The following KLHL32 variants were observed in gnomAD, a reference collection of about 807,000 sequenced individuals.
KLHL32 encodes the protein kelch like family member 32.
A neutral mutation model predicts 64.8 loss-of-function variants in KLHL32; 35 were observed. The observed-to-expected ratio is 0.54, with a 90% CI of 0.41 to 0.72. KLHL32 has a LOEUF of 0.72. Ranked by LOEUF, KLHL32 falls within the 30% of genes least tolerant of loss-of-function variation. The probability of loss-of-function intolerance (pLI) is 0.00; values close to 1 mark genes in which losing one functional copy is unlikely to be tolerated. For synonymous variants in KLHL32, 259 were observed against 281.0 expected (o/e 0.92, Z 0.78); for missense variants, 589 against 768.5 (o/e 0.77, Z 2.76).
intron 6 of KLHL32, among the ~76,000 whole-genome samples, chr6:97,099,221 T>G (rs1795377030): frequency 6.6e-6 from 1 of 152,236 alleles, no homozygotes; most frequent in Non-Finnish European, 1.5e-5. Context: ...AAGCAGACTC[T>G]GTCCACCCAG....
At chr6:96,929,061 A>G (rs561240999) in intron 1 of KLHL32, among the ~76,000 whole-genome samples, 1 of 152,210 alleles carries the variant, frequency 6.6e-6, no homozygotes, top group Non-Finnish European at 1.5e-5. Flanking sequence ...AAGAAATGTG[A>G]CAAGCAAGTG....
the KLHL32 span, among the ~76,000 whole-genome samples, chr6:96,904,977 C>T: frequency 1.4e-4 from 21 of 152,210 alleles, no homozygotes; most frequent in Non-Finnish European, 2.8e-4. Flanking sequence ...GCTTTCCCTG[C>T]TGCATCAGTT....
At chr6:97,102,331 G>C (rs561693272) in intron 6 of KLHL32, among the ~76,000 whole-genome samples, 2 of 152,168 alleles carry the variant, frequency 1.3e-5, no homozygotes, top group Non-Finnish European at 2.9e-5. Flanking sequence ...ACAATGGGGG[G>C]TGTTGTGACC....
intron 3 of KLHL32, among the ~76,000 whole-genome samples, chr6:97,034,155 T>A (rs1222446840): frequency 6.6e-6 from 1 of 152,122 alleles, no homozygotes; most frequent in Admixed American, 6.5e-5. Context: ...GTTTCAAGTC[T>A]TACATTTAAG....
rs566672792 is a variant in KLHL32, at chr6:96,994,665, C to T, written c.204+18488C>T. 1.4e-5 allele frequency: 14 copies of T among 970,162 alleles called. 1 individual carries two copies. Among genetic ancestry groups the T allele is most frequent in the African/African-American group, 7.0e-5 (4 of 56,838 alleles). 60.1% of individuals were successfully genotyped at this position (970,162 alleles called of 1,614,324 possible). On this transcript the variant is annotated intron_variant, in intron 3 of 10. Coordinates refer to ENST00000369261, the MANE Select transcript of KLHL32 (RefSeq NM_052904.4). ...AATATGATTAATGAATGATTAGTTG[C>T]GTGCAAAGTACTATGAGTTCCTGTG...
chr6:97,054,151 A>G (rs534779073), intron 4 of KLHL32, among the ~76,000 whole-genome samples: 1 of 152,288 alleles, frequency 6.6e-6, no homozygotes, highest in South Asian at 2.1e-4. Context: ...TATCAGGATA[A>G]ATAATTTGCT....
Position 96,960,202 on chromosome 6 carries a change from G to A in KLHL32, c.-65-6794G>A, listed in dbSNP as rs757964265. ...CATTATCATCATTGTCATCACCATC[G>A]TTTCCTTTTAACACGACACTGAGAA... On this transcript the variant is annotated intron_variant, in intron 1 of 10. Coordinates refer to ENST00000369261, the MANE Select transcript of KLHL32 (RefSeq NM_052904.4). 6.0e-4 allele frequency among the ~76,000 whole-genome samples: 92 copies of A among 152,100 alleles called. 1 individual carries two copies. The highest frequency in any genetic ancestry group is 3.1e-4 in the Non-Finnish European group (21 of 68,024).
chr6:96,939,987 G>T (rs1771088080), intron 1 of KLHL32, among the ~76,000 whole-genome samples: 1 of 152,062 alleles, frequency 6.6e-6, no homozygotes, highest in South Asian at 2.1e-4. Flanking sequence ...GTGCTGGATT[G>T]AATATTGAGG....
At chr6:97,020,982 G>C (rs779260453) in intron 3 of KLHL32, among the ~76,000 whole-genome samples, 1 of 150,762 alleles carries the variant, frequency 6.6e-6, no homozygotes, top group Non-Finnish European at 1.5e-5. Flanking sequence ...GTATTATATA[G>C]GGTAGTATAT....
chr6:97,031,347 T>G (rs1006301138), intron 3 of KLHL32, among the ~76,000 whole-genome samples: 3 of 152,162 alleles, frequency 2.0e-5, no homozygotes, highest in Non-Finnish European at 4.4e-5. Flanking sequence ...TAACATTTTT[T>G]TTTTTTGAGA....
At chr6:97,045,098 T>C (rs569715266) in intron 4 of KLHL32, among the ~76,000 whole-genome samples, 1 of 152,160 alleles carries the variant, frequency 6.6e-6, no homozygotes, top group Non-Finnish European at 1.5e-5. Context: ...TTAGAATAAT[T>C]GAGGCAACTC....
chr6:97,062,975 A>G (rs879230212), intron 4 of KLHL32, among the ~76,000 whole-genome samples: 2 of 152,222 alleles, frequency 1.3e-5, no homozygotes, highest in African/African-American at 2.4e-5. Context: ...AACTAGTTGT[A>G]AACACCAAGG....
At chr6:97,134,740 G>T (rs1799803616) in intron 10 of KLHL32, among the ~76,000 whole-genome samples, 3 of 152,228 alleles carry the variant, frequency 2.0e-5, no homozygotes, top group Non-Finnish European at 2.9e-5. Flanking sequence ...AGGAAATAAA[G>T]AAAATGCTGT....
intron 3 of KLHL32, among the ~76,000 whole-genome samples, chr6:97,034,199 A>G (rs1049322383): frequency 7.9e-5 from 12 of 152,040 alleles, no homozygotes; most frequent in African/African-American, 2.9e-4. Context: ...TTTGCATATG[A>G]TGTGAGATAA....
At chr6:97,056,316 AG>A (rs1288415254) in intron 4 of KLHL32, among the ~76,000 whole-genome samples, 2 of 152,012 alleles carry the variant, frequency 1.3e-5, no homozygotes, top group Admixed American at 6.5e-5. Context: ...CATGTTAGCC[AG>A]GATGGTCTTG....
intron 6 of KLHL32, among the ~76,000 whole-genome samples, chr6:97,106,025 G>T (rs1796362802): frequency 6.6e-6 from 1 of 152,058 alleles, no homozygotes. Flanking sequence ...TTCCTTTGGG[G>T]TCATAGTGTA....
Position 97,072,195 on chromosome 6 carries a change from C to T in KLHL32, c.411+7469C>T, listed in dbSNP as rs571738556. ...CACTGACACAGAGACCTTTCAGCCC[C>T]ACCCCCTTAACTTGTTAAATCTCTC... On this transcript the variant is annotated intron_variant, in intron 5 of 10. Coordinates refer to ENST00000369261, the MANE Select transcript of KLHL32 (RefSeq NM_052904.4). 1.6e-3 allele frequency among the ~76,000 whole-genome samples: 240 copies of T among 152,244 alleles called. 1 individual carries two copies. Among genetic ancestry groups the T allele is most frequent in the African/African-American group, 5.0e-3 (209 of 41,544 alleles).
rs140200517 is a variant in KLHL32, at chr6:96,941,780, T to C, written c.-66+16754T>C. Reference sequence around the variant, plus strand: ...TTCTCTGATTTGTCCTTTACTGATCTCTTCCATCTAAGCAATGAGAAGACC... The same window carrying C: ...TTCTCTGATTTGTCCTTTACTGATCCCTTCCATCTAAGCAATGAGAAGACC... On this transcript the variant is annotated intron_variant, in intron 1 of 10. Transcript: ENST00000369261. 3.6e-3 allele frequency among the ~76,000 whole-genome samples: 550 copies of C among 152,264 alleles called. 2 individuals are homozygous for C. Among genetic ancestry groups the C allele is most frequent in the Non-Finnish European group, 5.4e-3 (369 of 68,016 alleles).
At chr6:96,985,124 C>T (rs979331006) in intron 3 of KLHL32, among the ~76,000 whole-genome samples, 3 of 152,162 alleles carry the variant, frequency 2.0e-5, no homozygotes, top group South Asian at 2.1e-4. Context: ...TTCTCCTTCA[C>T]TTATGAAGCT....
Sources: gnomAD v4.1 joint callset for allele counts (sites outside exome capture counted in the v4.1 genomes callset) on GRCh38, gnomAD v4.1.1 for gene constraint, MANE v1.5 for transcripts, NCBI Gene and HGNC (gene_info 2026-07-23, HGNC 2026-07-21) for gene names.